Variants in SNX3 observed in about 807,000 individuals in gnomAD.
The protein encoded by SNX3 is sorting nexin 3.
SNX3 carries 5 observed loss-of-function variants against 17.7 expected under a neutral mutation model. The observed-to-expected ratio is 0.28, with a 90% CI of 0.15 to 0.59. The LOEUF (loss-of-function observed/expected upper bound fraction) is 0.59. Among genes scored for constraint, SNX3 ranks in the 20% least tolerant of loss-of-function variants. SNX3 has a pLI of 0.88. For synonymous variants in SNX3, 91 were observed against 76.5 expected (o/e 1.19, Z -0.99); for missense variants, 132 against 206.8 (o/e 0.64, Z 2.22).
At chr6:108,241,379 G>C (rs1397806718) in intron 1 of SNX3, among the ~76,000 whole-genome samples, 1 of 152,022 alleles carries the variant, frequency 6.6e-6, no homozygotes, top group Non-Finnish European at 1.5e-5. Context: ...AAGCTGGTCA[G>C]GTGCAGTGGC....
chr6:108,219,868 C>A (rs1774702324), intron 2 of SNX3, among the ~76,000 whole-genome samples: 1 of 152,108 alleles, frequency 6.6e-6, no homozygotes, highest in South Asian at 2.1e-4. Flanking sequence ...AGAGATGGAC[C>A]ACTTAAGATA....
chr6:108,215,327 C>T (rs189712504), intron 2 of SNX3, among the ~76,000 whole-genome samples: 2 of 147,344 alleles, frequency 1.4e-5, no homozygotes, highest in African/African-American at 5.1e-5. Context: ...TCCAGCTGGG[C>T]TACAGAGTGA....
chr6:108,221,532 CTTTTTTT>C (rs554429322), intron 2 of SNX3, among the ~76,000 whole-genome samples: 103 of 57,766 alleles, frequency 1.8e-3, no homozygotes, highest in African/African-American at 4.6e-3. Flanking sequence ...CAGTATTACA[CTTTTTTT>C]TTTTTTTTTT....
intron 1 of SNX3, among the ~76,000 whole-genome samples, chr6:108,236,332 T>TTATA (rs199598810): frequency 2.0e-5 from 3 of 148,586 alleles, no homozygotes; most frequent in African/African-American, 7.4e-5. Flanking sequence ...CTACCTCTCT[T>TTATA]TATATATATA....
At chr6:108,229,130 C>T (rs1437448006) in intron 1 of SNX3, among the ~76,000 whole-genome samples, 17 of 151,610 alleles carry the variant, frequency 1.1e-4, no homozygotes, top group Admixed American at 1.1e-3. Flanking sequence ...TGAGGTGGCA[C>T]GAGCCTGTAA....
intron 2 of SNX3, among the ~76,000 whole-genome samples, chr6:108,218,921 A>G (rs1488925658): frequency 1.3e-5 from 2 of 152,230 alleles, no homozygotes; most frequent in Non-Finnish European, 2.9e-5. Context: ...GGGTGATAAA[A>G]ATGCTCTAAA....
intron 1 of SNX3, among the ~76,000 whole-genome samples, chr6:108,239,057 C>A (rs939757162): frequency 6.6e-6 from 1 of 152,038 alleles, no homozygotes; most frequent in Non-Finnish European, 1.5e-5. Flanking sequence ...TGTGCCCCCA[C>A]ACCCAGCTAA....
chr6:108,250,320 TA>T (rs1430265171), intron 1 of SNX3, among the ~76,000 whole-genome samples: 2 of 152,222 alleles, frequency 1.3e-5, no homozygotes, highest in African/African-American at 4.8e-5. Flanking sequence ...AAGGGCAAGA[TA>T]GTAAACATAC....
At chr6:108,221,516 G>A (rs1329755681) in intron 2 of SNX3, among the ~76,000 whole-genome samples, 1 of 139,464 alleles carries the variant, frequency 7.2e-6, no homozygotes, top group Non-Finnish European at 1.5e-5. Flanking sequence ...AGTATTACAA[G>A]GAATACAGTA....
At chr6:108,214,756 C>CA in intron 2 of SNX3, 134 bp from the exon 3 acceptor site, 4 of 853,980 alleles carry the variant, frequency 4.7e-6, no homozygotes, top group Admixed American at 3.3e-5. Flanking sequence ...TATAAAAGAG[C>CA]AAAAAATACA....
At chr6:108,229,935 AAC>A (rs1479741351) in intron 1 of SNX3, among the ~76,000 whole-genome samples, 1 of 152,178 alleles carries the variant, frequency 6.6e-6, no homozygotes, top group Non-Finnish European at 1.5e-5. Flanking sequence ...GAAAAAATAG[AAC>A]AGAGAAGTTA....
intron 1 of SNX3, among the ~76,000 whole-genome samples, chr6:108,259,358 C>A (rs1376725055): frequency 6.6e-6 from 1 of 152,196 alleles, no homozygotes; most frequent in East Asian, 1.9e-4. Context: ...CTCAGCCTCC[C>A]GAGTAGCTGG....
chr6:108,244,534 TAC>T, intron 1 of SNX3, among the ~76,000 whole-genome samples: 1 of 151,948 alleles, frequency 6.6e-6, no homozygotes, highest in Non-Finnish European at 1.5e-5. Flanking sequence ...TGTTTAAGTG[TAC>T]AGAGTTCTGT....
chr6:108,216,501 C>T (rs113901218), intron 2 of SNX3, among the ~76,000 whole-genome samples: 1 of 152,186 alleles, frequency 6.6e-6, no homozygotes, highest in African/African-American at 2.4e-5. Context: ...TTAAGAAAAA[C>T]TGGGCATACA....
chr6:108,246,449 C>T (rs546050083), intron 1 of SNX3, among the ~76,000 whole-genome samples: 1 of 150,018 alleles, frequency 6.7e-6, no homozygotes, highest in African/African-American at 2.5e-5. Context: ...CTCAGCCTCC[C>T]GACTAGCTGG....
chr6:108,234,602 T>C (rs1775268933), intron 1 of SNX3, among the ~76,000 whole-genome samples: 1 of 152,190 alleles, frequency 6.6e-6, no homozygotes, highest in African/African-American at 2.4e-5. Context: ...TGAGTTTGCA[T>C]GGTAGACTTA....
intron 1 of SNX3, among the ~76,000 whole-genome samples, chr6:108,225,363 C>T (rs767005890): frequency 7.2e-5 from 11 of 152,106 alleles, no homozygotes; most frequent in Non-Finnish European, 1.2e-4. Context: ...CTTTGGGAGG[C>T]CGAGGTGGGC....
rs1774512319 is a variant in SNX3, at chr6:108,214,747, A to T, written c.259-125T>A. 4.2e-6 allele frequency: 4 copies of T among 963,042 alleles called. No individual in the cohort carries two copies. In the East Asian group the frequency reaches 8.1e-5, roughly 20 times the overall value. 59.7% of individuals were successfully genotyped at this position (963,042 alleles called of 1,614,324 possible). On this transcript the variant is annotated intron_variant, in intron 2 of 3. Coordinates refer to ENST00000230085, the MANE Select transcript of SNX3 (RefSeq NM_003795.6). The stretch of plus-strand genomic sequence containing the variant: ...ATCGTCCGGTCAAACTAGTTGAAAT[A>T]TAAAAGAGCAAAAAATACACTGAAA...
chr6:108,220,320 G>GT (rs1774720139), intron 2 of SNX3, among the ~76,000 whole-genome samples: 1 of 151,868 alleles, frequency 6.6e-6, no homozygotes, highest in South Asian at 2.1e-4. Context: ...TCCATTTATG[G>GT]TAAGTGCCCT....
Sources: allele counts gnomAD v4.1 joint callset (sites outside exome capture counted in the v4.1 genomes callset), GRCh38; gene constraint gnomAD v4.1.1; transcripts MANE v1.5; gene names NCBI Gene and HGNC (gene_info 2026-07-23, HGNC 2026-07-21).